CNTNAP4: variants seen among roughly 807,000 people sequenced by gnomAD.
The protein encoded by CNTNAP4 is contactin-associated protein-like 4.
In CNTNAP4, 98 loss-of-function variants were observed where a neutral mutation model predicts 148.4. That is an observed-to-expected ratio of 0.66 (90% confidence interval 0.56 to 0.78). The LOEUF (loss-of-function observed/expected upper bound fraction) is 0.78. CNTNAP4 is among the 30% of genes least tolerant of loss of function. CNTNAP4 has a pLI of 0.00. For synonymous variants in CNTNAP4, 730 were observed against 565.1 expected, an observed-to-expected ratio of 1.29 and a Z score of -4.14; for missense variants, 1,935 against 1,565.6, an observed-to-expected ratio of 1.24 and a Z score of -3.98.
intron 1 of CNTNAP4, among the ~76,000 whole-genome samples, chr16:76,313,305 C>G (rs1478866994): frequency 8.5e-5 from 13 of 152,122 alleles, no homozygotes; most frequent in African/African-American, 2.7e-4. Context: ...TGCAATTAAA[C>G]ACCCTTTTCA....
chr16:76,375,148 G>T (rs944406498), intron 3 of CNTNAP4, among the ~76,000 whole-genome samples: 1 of 152,160 alleles, frequency 6.6e-6, no homozygotes, highest in East Asian at 1.9e-4. Context: ...TTTACTAGGT[G>T]CAGTGGCTCA....
At position 76,348,355 on chromosome 16, in the gene CNTNAP4, G is replaced by C. The variant is rs74026723; in HGVS notation, c.197-6963G>C. ...TTCTCCAGTCTTGGGTTCAGGGAAG[G>C]AGTGTAGGCAGATTTATGAATAAGG... On this transcript the variant is annotated intron_variant, in intron 2 of 23. Transcript: ENST00000611870. 3.8e-3 allele frequency among the ~76,000 whole-genome samples: 579 copies of C among 152,180 alleles called. 3 individuals are homozygous for C. Among genetic ancestry groups the C allele is most frequent in the African/African-American group, 0.013 (547 of 41,534 alleles).
chr16:76,513,461 G>A (rs776706021), intron 15 of CNTNAP4, among the ~76,000 whole-genome samples: 7 of 152,084 alleles, frequency 4.6e-5, no homozygotes, highest in African/African-American at 1.4e-4. Flanking sequence ...TTTAAAACCC[G>A]ATGTTTATAC....
chr16:76,440,585 G>A (rs1004506337), intron 4 of CNTNAP4, among the ~76,000 whole-genome samples: 20 of 152,084 alleles, frequency 1.3e-4, no homozygotes, highest in African/African-American at 4.6e-4. Context: ...CAGAGAATAG[G>A]TTTATGGAAC....
At position 76,277,508 on chromosome 16, in the gene CNTNAP4, G is replaced by A. The variant is rs1958520138; in HGVS notation, c.-155G>A. 8 of 593,334 alleles carry A rather than the reference G, an allele frequency of 1.3e-5. No homozygotes were observed. In the South Asian group the frequency reaches 1.5e-4, roughly 11 times the overall value. 36.8% of individuals were successfully genotyped at this position (593,334 alleles called of 1,614,324 possible). On this transcript the variant is annotated 5_prime_UTR_variant, in exon 1 of 24. Coordinates refer to ENST00000611870, the MANE Select transcript of CNTNAP4 (RefSeq NM_033401.5). Reference sequence around the variant, plus strand: ...AGAGAAGAGAGGGAGGAGGGAAGAAGAAAAGACGGAGGGAGGTGAGGAGGA... The same window carrying A: ...AGAGAAGAGAGGGAGGAGGGAAGAAAAAAAGACGGAGGGAGGTGAGGAGGA...
intron 12 of CNTNAP4, among the ~76,000 whole-genome samples, chr16:76,485,909 T>C (rs538281336): frequency 1.3e-5 from 2 of 152,216 alleles, no homozygotes; most frequent in Non-Finnish European, 2.9e-5. Flanking sequence ...CTGCTTTCCT[T>C]AAGACAGCAC....
chr16:76,429,666 A>T (rs575633100), intron 4 of CNTNAP4, among the ~76,000 whole-genome samples: 1 of 152,316 alleles, frequency 6.6e-6, no homozygotes, highest in South Asian at 2.1e-4. Context: ...TGGTGGTGAT[A>T]GCTAAGGTAC....
At chr16:76,553,055 A>G (rs1211107919) in intron 21 of CNTNAP4, among the ~76,000 whole-genome samples, 3 of 152,202 alleles carry the variant, frequency 2.0e-5, no homozygotes, top group South Asian at 2.1e-4. Flanking sequence ...GGAGCTTACC[A>G]TATCACTTTT....
At chr16:76,339,068 C>T (rs1473657570) in intron 2 of CNTNAP4, among the ~76,000 whole-genome samples, 2 of 152,094 alleles carry the variant, frequency 1.3e-5, no homozygotes, top group Non-Finnish European at 2.9e-5. Flanking sequence ...ACAGTAGTTT[C>T]TGTGTTTGAA....
chr16:76,315,157 C>G (rs1961573105), intron 1 of CNTNAP4, among the ~76,000 whole-genome samples: 1 of 152,058 alleles, frequency 6.6e-6, no homozygotes, highest in South Asian at 2.1e-4. Context: ...CATTGGGTAT[C>G]TGGTCGTTAA....
In CNTNAP4 at chr16:76,365,319, G is replaced by A. The variant is rs12932600; in HGVS notation, c.390+9808G>A. The stretch of plus-strand genomic sequence containing the variant: ...GAAGTCAGGTACTGTGATGGTTCCA[G>A]CTTTGTTCTTTTGCTTAGGATTATC... On this transcript the variant is annotated intron_variant, in intron 3 of 23. Coordinates refer to ENST00000611870, the MANE Select transcript of CNTNAP4 (RefSeq NM_033401.5). 9.3e-3 allele frequency among the ~76,000 whole-genome samples: 1,423 copies of A among 152,262 alleles called. 8 individuals are homozygous for A. Among genetic ancestry groups the A allele is most frequent in the Non-Finnish European group, 0.015 (995 of 68,018 alleles).
intron 1 of CNTNAP4, among the ~76,000 whole-genome samples, chr16:76,295,168 G>A (rs1959203891): frequency 6.6e-6 from 1 of 152,138 alleles, no homozygotes; most frequent in South Asian, 2.1e-4. Flanking sequence ...GTGAGCAGTG[G>A]GAGTCAGTGA....
intron 4 of CNTNAP4, among the ~76,000 whole-genome samples, chr16:76,436,459 G>A (rs2079830087): frequency 6.9e-6 from 1 of 145,502 alleles, no homozygotes; most frequent in African/African-American, 2.6e-5. Flanking sequence ...CATGATAAGA[G>A]CTCATGTCTG....
chr16:76,422,944 A>T (rs2079243024), intron 3 of CNTNAP4, among the ~76,000 whole-genome samples: 1 of 152,176 alleles, frequency 6.6e-6, no homozygotes, highest in Non-Finnish European at 1.5e-5. Flanking sequence ...AGATGGTATT[A>T]GGTGGGGCCT....
rs1555561284 is a variant in CNTNAP4, at chr16:76,451,599, A to ATGTGTATG, written c.1072-904_1072-903insATGTGTGT. Among the ~76,000 whole-genome samples the ATGTGTATG allele has an allele frequency of 7.8e-5, 11 of 141,362 alleles. No individual in the cohort carries two copies. In the East Asian group the frequency reaches 2.1e-3, roughly 27 times the overall value. 92.7% of individuals were successfully genotyped at this position (141,362 alleles called of 152,430 possible). On this transcript the variant is annotated intron_variant, in intron 7 of 23. Transcript: ENST00000611870. Reference sequence around the variant, plus strand: ...ATAAAAATAAAAATATTTTAGATAGATGTGTGTGTGTGTGTGTGTGTGTGT... The same window carrying ATGTGTATG: ...ATAAAAATAAAAATATTTTAGATAGATGTGTATGTGTGTGTGTGTGTGTGTGTGTGTGT...
Position 76,553,393 on chromosome 16 carries a change from C to T in CNTNAP4, c.3553C>T (p.Pro1185Ser), listed in dbSNP as rs373473823. The change falls in exon 22 of 24, where the codon CCC becomes TCC. Residue 1185 changes from proline (P) to serine (S), a missense_variant. Pro to Ser is a moderately conservative substitution (Grantham distance 74). Coordinates refer to ENST00000611870, the MANE Select transcript of CNTNAP4 (RefSeq NM_033401.5). Reference sequence around the variant, plus strand: ...GGCCCCTCTGAAGGCAGCTCTGCACCCCAGCCACCCAGACCCTGTCACTGT... The same window carrying T: ...GGCCCCTCTGAAGGCAGCTCTGCACTCCAGCCACCCAGACCCTGTCACTGT... The part of the protein sequence containing the change: ...HVAPLKAALH[P>S]SHPDPVTVTG... The T allele has an allele frequency of 8.1e-5, 130 of 1,612,314 alleles. No homozygotes were observed. The highest frequency in any genetic ancestry group is 1.0e-4 in the Non-Finnish European group (121 of 1,179,154).
At chr16:76,454,079 T>G (rs1365728586) in intron 8 of CNTNAP4, among the ~76,000 whole-genome samples, 1 of 151,882 alleles carries the variant, frequency 6.6e-6, no homozygotes, top group African/African-American at 2.4e-5. Flanking sequence ...AACGTTACTT[T>G]GGGGAGCTCC....
intron 2 of CNTNAP4, among the ~76,000 whole-genome samples, chr16:76,326,730 A>G (rs1413149047): frequency 6.9e-6 from 1 of 144,066 alleles, no homozygotes; most frequent in African/African-American, 2.5e-5. Context: ...GTTCTCACTC[A>G]TAGGTGGGAA....
intron 3 of CNTNAP4, among the ~76,000 whole-genome samples, chr16:76,410,345 C>T (rs572308535): frequency 2.0e-5 from 3 of 151,828 alleles, no homozygotes; most frequent in East Asian, 3.9e-4. Flanking sequence ...AAATTTCAGA[C>T]ATCCTAGCAT....
Sources: gnomAD v4.1 joint callset for allele counts (sites outside exome capture counted in the v4.1 genomes callset) on GRCh38, gnomAD v4.1.1 for gene constraint, MANE v1.5 for transcripts, NCBI Gene and HGNC (gene_info 2026-07-23, HGNC 2026-07-21) for gene names.